The following TRAPPC9 variants were observed in gnomAD, a reference collection of about 807,000 sequenced individuals.
TRAPPC9 encodes the protein IKK2 binding protein.
In TRAPPC9, 83 loss-of-function variants were observed where a neutral mutation model predicts 124.0. The observed-to-expected ratio is 0.67, with a 90% confidence interval of 0.56 to 0.80. TRAPPC9 has a LOEUF of 0.80. TRAPPC9 is among the 30% of genes least tolerant of loss of function. The pLI, the probability that TRAPPC9 is intolerant of heterozygous loss-of-function variation, is 0.00. For synonymous variants in TRAPPC9, 638 were observed against 617.5 expected (o/e 1.03, Z -0.49); for missense variants, 1,302 against 1,508.3 (o/e 0.86, Z 2.27).
chr8:140,326,218 C>A (rs111469277), intron 9 of TRAPPC9, among the ~76,000 whole-genome samples: 1 of 144,250 alleles, frequency 6.9e-6, no homozygotes, highest in African/African-American at 2.6e-5. Context: ...AACCCCGTCT[C>A]TACTAAAAAA....
intron 18 of TRAPPC9, among the ~76,000 whole-genome samples, chr8:139,994,329 C>A (rs115162180): frequency 2.0e-5 from 3 of 152,172 alleles, no homozygotes; most frequent in African/African-American, 7.2e-5. Flanking sequence ...TCACACTGTG[C>A]GCCTGAGGCA....
intron 21 of TRAPPC9, among the ~76,000 whole-genome samples, chr8:139,836,055 C>G (rs555621567): frequency 6.6e-6 from 1 of 151,960 alleles, no homozygotes; most frequent in African/African-American, 2.4e-5. Flanking sequence ...GTCGCCCAGG[C>G]TGGAGCGCAG....
chr8:140,359,157 T>C (rs2067852256), intron 9 of TRAPPC9, among the ~76,000 whole-genome samples: 1 of 152,160 alleles, frequency 6.6e-6, no homozygotes, highest in Non-Finnish European at 1.5e-5. Flanking sequence ...TGTGTCCATA[T>C]AGCACTGAGG....
At chr8:139,842,076 G>A (rs545791190) in intron 21 of TRAPPC9, among the ~76,000 whole-genome samples, 7 of 152,320 alleles carry the variant, frequency 4.6e-5, no homozygotes, top group Middle Eastern at 3.4e-3. Flanking sequence ...AGCAGAGGCC[G>A]GTCCATGAGG....
intron 19 of TRAPPC9, among the ~76,000 whole-genome samples, chr8:139,968,585 G>A (rs921187991): frequency 1.3e-5 from 2 of 152,204 alleles, no homozygotes; most frequent in African/African-American, 2.4e-5. Context: ...TGTCTACTCC[G>A]GACAAGGCTC....
intron 7 of TRAPPC9, among the ~76,000 whole-genome samples, chr8:140,375,770 CTT>C (rs1487027320): frequency 1.3e-5 from 2 of 152,200 alleles, no homozygotes; most frequent in Non-Finnish European, 2.9e-5. Flanking sequence ...TAGAAAATGC[CTT>C]AACCCTCATC....
At chr8:139,890,729 A>G (rs1830286462) in intron 20 of TRAPPC9, among the ~76,000 whole-genome samples, 1 of 152,238 alleles carries the variant, frequency 6.6e-6, no homozygotes, top group African/African-American at 2.4e-5. Context: ...AAGTGAGGTT[A>G]GAAAATATCT....
At chr8:140,195,903 A>G (rs2062648591) in intron 17 of TRAPPC9, among the ~76,000 whole-genome samples, 1 of 75,420 alleles carries the variant, frequency 1.3e-5, no homozygotes, top group Non-Finnish European at 3.4e-5. Context: ...CACATCTGTG[A>G]CACTAAAACA....
intron 21 of TRAPPC9, among the ~76,000 whole-genome samples, chr8:139,873,318 G>A (rs1432523868): frequency 6.6e-6 from 1 of 152,130 alleles, no homozygotes; most frequent in East Asian, 1.9e-4. Flanking sequence ...ACTGATAGGT[G>A]ATCATATTAT....
At chr8:139,895,164 G>GC (rs1473042240) in intron 20 of TRAPPC9, among the ~76,000 whole-genome samples, 1 of 152,198 alleles carries the variant, frequency 6.6e-6, no homozygotes, top group Non-Finnish European at 1.5e-5. Flanking sequence ...AAAAGGACCT[G>GC]CTCAAGAGCC....
intron 13 of TRAPPC9, among the ~76,000 whole-genome samples, chr8:140,284,465 C>A (rs1037982236): frequency 6.6e-6 from 1 of 152,102 alleles, no homozygotes; most frequent in Non-Finnish European, 1.5e-5. Flanking sequence ...AGTTCACACA[C>A]GAGCCAATTG....
Position 140,456,472 on chromosome 8 carries a change from C to A in TRAPPC9, c.-11+1167G>T, listed in dbSNP as rs1486018710. Among the ~76,000 whole-genome samples, 5 of 151,850 alleles carry A rather than the reference C, an allele frequency of 3.3e-5. No homozygotes were observed. In the East Asian group the frequency reaches 9.7e-4, roughly 29 times the overall value. On this transcript the variant is annotated intron_variant, in intron 1 of 22. Coordinates refer to ENST00000438773, the MANE Select transcript of TRAPPC9 (RefSeq NM_001160372.4). ...CACTTTAAAGCAGTGGATTTTATGG[C>A]AGGTAATCGAGGCTCAATGAAGCTG...
chr8:140,340,067 G>A (rs182533286), intron 9 of TRAPPC9, among the ~76,000 whole-genome samples: 86 of 152,226 alleles, frequency 5.6e-4, no homozygotes, highest in African/African-American at 1.5e-3. Flanking sequence ...CGCTGGTCTC[G>A]AACTCCTGAC....
intron 20 of TRAPPC9, among the ~76,000 whole-genome samples, chr8:139,901,222 C>T (rs1831000859): frequency 6.6e-6 from 1 of 152,138 alleles, no homozygotes; most frequent in South Asian, 2.1e-4. Context: ...AGGCTGTTTG[C>T]ATCCCACGCG....
At chr8:140,363,248 G>A (rs1442249168) in intron 8 of TRAPPC9, among the ~76,000 whole-genome samples, 5 of 152,148 alleles carry the variant, frequency 3.3e-5, no homozygotes, top group African/African-American at 9.7e-5. Context: ...GATACTAAGC[G>A]GCCCCTTAAG....
intron 19 of TRAPPC9, among the ~76,000 whole-genome samples, chr8:139,937,647 G>A (rs1160358695): frequency 1.3e-5 from 2 of 152,130 alleles, no homozygotes; most frequent in Admixed American, 6.5e-5. Flanking sequence ...GGAGAGGAAG[G>A]GAAGAGAATT....
intron 21 of TRAPPC9, among the ~76,000 whole-genome samples, chr8:139,838,126 C>G (rs1826478172): frequency 6.6e-6 from 1 of 152,206 alleles, no homozygotes; most frequent in South Asian, 2.1e-4. Context: ...CCCACAGCCA[C>G]AGCCCCAAAC....
intron 14 of TRAPPC9, among the ~76,000 whole-genome samples, chr8:140,278,271 T>C (rs1247093475): frequency 1.3e-5 from 2 of 152,090 alleles, no homozygotes; most frequent in Non-Finnish European, 2.9e-5. Context: ...GCCCAGCTAA[T>C]TTTTTTGTAT....
At chr8:139,849,457 C>G (rs1238786666) in intron 21 of TRAPPC9, among the ~76,000 whole-genome samples, 2 of 152,266 alleles carry the variant, frequency 1.3e-5, no homozygotes, top group Non-Finnish European at 2.9e-5. Context: ...CTCTCCTCTC[C>G]TTCTGGTTCT....
Sources: gnomAD v4.1 joint callset for allele counts (sites outside exome capture counted in the v4.1 genomes callset) on GRCh38, gnomAD v4.1.1 for gene constraint, MANE v1.5 for transcripts, NCBI Gene and HGNC (gene_info 2026-07-23, HGNC 2026-07-21) for gene names.